The following FAM227B variants were observed in gnomAD, a reference collection of about 807,000 sequenced individuals.
FAM227B encodes family with sequence similarity 227 member B, also known as protein FAM227B.
Under a neutral mutation model 73.8 loss-of-function variants are expected in FAM227B, and 88 were observed. The observed-to-expected ratio is 1.19, with a 90% CI of 1.00 to 1.42. The LOEUF is 1.42. Ranked by LOEUF, FAM227B falls within the 40% of genes most tolerant of loss-of-function variation. FAM227B has a pLI of 0.00. For synonymous variants in FAM227B, 210 were observed against 190.5 expected, an observed-to-expected ratio of 1.10 and a Z score of -0.84; for missense variants, 632 against 590.9, an observed-to-expected ratio of 1.07 and a Z score of -0.72.
chr15:49,396,145 T>C (rs1228038467), intron 11 of FAM227B: 2 of 363,466 alleles, frequency 5.5e-6, no homozygotes, highest in Non-Finnish European at 1.1e-5. Flanking sequence ...GTGCTCACCG[T>C]GTGCGAGCCG....
intron 11 of FAM227B, among the ~76,000 whole-genome samples, chr15:49,417,632 A>G (rs1486797795): frequency 6.6e-6 from 1 of 152,214 alleles, no homozygotes; most frequent in Non-Finnish European, 1.5e-5. Flanking sequence ...AGCAGACTGA[A>G]GCTGGACCCC....
At chr15:49,354,858 G>C (rs1353838823) in intron 13 of FAM227B, among the ~76,000 whole-genome samples, 1 of 151,924 alleles carries the variant, frequency 6.6e-6, no homozygotes, top group Non-Finnish European at 1.5e-5. Context: ...GCTTTGAAGA[G>C]AGCAGTGGTT....
intron 11 of FAM227B, chr15:49,424,286 C>T (rs1567248985): frequency 3.1e-6 from 5 of 1,606,686 alleles, no homozygotes; most frequent in Non-Finnish European, 4.3e-6. Flanking sequence ...ACACCCGGAG[C>T]ACTACACTAT....
At chr15:49,552,825 TTCTA>T (rs1359111015) in intron 9 of FAM227B, among the ~76,000 whole-genome samples, 3 of 152,192 alleles carry the variant, frequency 2.0e-5, no homozygotes, top group Non-Finnish European at 2.9e-5. Flanking sequence ...TTCTTTTTAT[TTCTA>T]TCTCTTTGTT....
Position 49,571,404 on chromosome 15 carries a change from G to C in FAM227B, c.646-3058C>G, listed in dbSNP as rs774846689. 9.9e-5 allele frequency among the ~76,000 whole-genome samples: 15 copies of C among 151,698 alleles called. 1 individual carries two copies. Among genetic ancestry groups the C allele is most frequent in the Admixed American group, 2.0e-4 (3 of 15,180 alleles). ...TTTGCTTTTGTTGCCTGTACATTTGGCTTCATACTCAAAAAATCACCGTAC... is the reference window on the plus strand; with the variant it reads ...TTTGCTTTTGTTGCCTGTACATTTGCCTTCATACTCAAAAAATCACCGTAC... On this transcript the variant is annotated intron_variant, in intron 8 of 15. Coordinates refer to ENST00000299338, the MANE Select transcript of FAM227B (RefSeq NM_152647.3).
chr15:49,567,787 A>G (rs962276748), intron 9 of FAM227B, among the ~76,000 whole-genome samples: 2 of 152,136 alleles, frequency 1.3e-5, no homozygotes, highest in African/African-American at 4.8e-5. Flanking sequence ...AGTTAGTACA[A>G]TAACAGAAAA....
chr15:49,607,683 A>G lies in FAM227B; in HGVS notation c.105+3532T>C, dbSNP rs191252729. On this transcript the variant is annotated intron_variant, in intron 3 of 15. Coordinates refer to ENST00000299338, the MANE Select transcript of FAM227B (RefSeq NM_152647.3). ...GCTGAATAAAGTTTCCAAAAATTCC[A>G]TAAGGCTGATGAGACTCTGTCTTCT... Among the ~76,000 whole-genome samples, 972 of 152,328 alleles carry G rather than the reference A, an allele frequency of 6.4e-3. 5 individuals are homozygous for G. Among genetic ancestry groups the G allele is most frequent in the Non-Finnish European group, 7.9e-3 (540 of 68,014 alleles).
intron 5 of FAM227B, among the ~76,000 whole-genome samples, chr15:49,580,857 G>A (rs1273770245): frequency 6.6e-6 from 1 of 152,156 alleles, no homozygotes; most frequent in East Asian, 1.9e-4. Flanking sequence ...AGTATTAACA[G>A]CAGAATAGAC....
At chr15:49,495,945 C>G (rs2057561678) in intron 11 of FAM227B, among the ~76,000 whole-genome samples, 2 of 152,078 alleles carry the variant, frequency 1.3e-5, no homozygotes, top group African/African-American at 2.4e-5. Context: ...ACTGCTTGAA[C>G]CCGGGAGGCA....
At chr15:49,425,313 A>G (rs181250590) in intron 11 of FAM227B, 24 of 152,114 alleles carry the variant, frequency 1.6e-4, no homozygotes, top group Admixed American at 1.3e-3. Flanking sequence ...TTTCAATTTA[A>G]AGCCTTACAT....
At chr15:49,616,645 A>G (rs993943454) in intron 1 of FAM227B, among the ~76,000 whole-genome samples, 12 of 152,136 alleles carry the variant, frequency 7.9e-5, no homozygotes, top group Admixed American at 4.6e-4. Flanking sequence ...GAGAAAATAA[A>G]CTACTGTTGT....
At chr15:49,378,546 T>C (rs745429882) in intron 11 of FAM227B, among the ~76,000 whole-genome samples, 17 of 152,144 alleles carry the variant, frequency 1.1e-4, no homozygotes, top group Non-Finnish European at 1.8e-4. Context: ...AATTCCTAGG[T>C]ATTTAATTTT....
In FAM227B at chr15:49,426,375, C is replaced by T. The variant is rs540062079; in HGVS notation, c.1013-54976G>A. Among the ~76,000 whole-genome samples, 4 of 151,970 alleles carry T rather than the reference C, an allele frequency of 2.6e-5. No homozygotes were observed. In the East Asian group the frequency reaches 5.8e-4, roughly 22 times the overall value. On this transcript the variant is annotated intron_variant, in intron 11 of 15. Coordinates refer to ENST00000299338, the MANE Select transcript of FAM227B (RefSeq NM_152647.3). ...TGTCAGAACTAATTTCAAATTATAG[C>T]AATAAGGTTACCAAACCTTAACTGT... is the stretch of plus-strand genomic sequence containing the variant.
intron 11 of FAM227B, among the ~76,000 whole-genome samples, chr15:49,503,896 T>A (rs568990193): frequency 6.6e-6 from 1 of 152,228 alleles, no homozygotes; most frequent in Admixed American, 6.5e-5. Context: ...GAACTGGAAA[T>A]ACCATTTGAC....
At chr15:49,392,529 A>T (rs557866930) in intron 11 of FAM227B, among the ~76,000 whole-genome samples, 1 of 152,262 alleles carries the variant, frequency 6.6e-6, no homozygotes, top group East Asian at 1.9e-4. Flanking sequence ...TATAAAAGTG[A>T]GGTTGAGTAA....
At chr15:49,574,987 A>G (rs754419015) in intron 8 of FAM227B, 24 bp downstream of exon 8, 2 of 1,410,420 alleles carry the variant, frequency 1.4e-6, no homozygotes, top group Non-Finnish European at 1.9e-6. Context: ...AACTTAAAAA[A>G]TAAATTTTTA....
chr15:49,551,366 TTTC>T (rs1481887141), intron 9 of FAM227B, among the ~76,000 whole-genome samples: 3 of 152,252 alleles, frequency 2.0e-5, no homozygotes, highest in African/African-American at 7.2e-5. Flanking sequence ...ACCTTCTTTG[TTTC>T]TTCTTATAGT....
At chr15:49,369,392 G>A (rs1396643979) in intron 12 of FAM227B, among the ~76,000 whole-genome samples, 1 of 152,180 alleles carries the variant, frequency 6.6e-6, no homozygotes, top group East Asian at 1.9e-4. Flanking sequence ...GCAGAAATTT[G>A]TCAGAGCACT....
At chr15:49,365,068 G>A (rs1458088422) in intron 13 of FAM227B, 1 of 575,274 alleles carries the variant, frequency 1.7e-6, no homozygotes, top group Admixed American at 2.9e-5. Context: ...AATTTAAAAA[G>A]TCAAAGTCTA....
Sources: allele counts gnomAD v4.1 joint callset (sites outside exome capture counted in the v4.1 genomes callset), GRCh38; gene constraint gnomAD v4.1.1; transcripts MANE v1.5; gene names NCBI Gene and HGNC (gene_info 2026-07-23, HGNC 2026-07-21).